Variants in CLDN10 observed in about 807,000 individuals in gnomAD.
CLDN10 encodes claudin 10.
Under a neutral mutation model 22.9 loss-of-function variants are expected in CLDN10, and 15 were observed. The observed-to-expected ratio is 0.65, with a 90% confidence interval of 0.44 to 1.01. CLDN10 has a LOEUF of 1.01. Among genes scored for constraint, CLDN10 ranks in the 50% least tolerant of loss-of-function variants. CLDN10 has a pLI of 0.00. For synonymous variants in CLDN10, 114 were observed against 111.4 expected (o/e 1.02, Z -0.15); for missense variants, 247 against 287.8 (o/e 0.86, Z 1.03).
chr13:95,496,492 G>A (rs2042931266), intron 1 of CLDN10, among the ~76,000 whole-genome samples: 1 of 152,150 alleles, frequency 6.6e-6, no homozygotes, highest in African/African-American at 2.4e-5. Context: ...CTGTGCTCAG[G>A]CTGCGATTAC....
upstream of CLDN10, among the ~76,000 whole-genome samples, chr13:95,551,359 G>T (rs560367618): frequency 3.9e-5 from 6 of 152,320 alleles, no homozygotes; most frequent in East Asian, 1.2e-3. Flanking sequence ...TGGAGCATGG[G>T]CTAAACATTA....
At chr13:95,550,846 T>TTTTTTTTTTTTTTTTTG (rs2043556667), upstream of CLDN10, among the ~76,000 whole-genome samples, 1 of 109,112 alleles carries the variant, frequency 9.2e-6, no homozygotes, top group Non-Finnish European at 2.0e-5. Flanking sequence ...TTTTTTTTTT[T>TTTTTTTTTTTTTTTTTG]GTATTTTTAG....
intron 1 of CLDN10, among the ~76,000 whole-genome samples, chr13:95,557,844 C>T (rs1290852115): frequency 6.6e-6 from 1 of 152,088 alleles, no homozygotes. Context: ...TGTTATTTTC[C>T]CTGTTGTATT....
intron 3 of CLDN10, among the ~76,000 whole-genome samples, chr13:95,571,743 C>T (rs1206276482): frequency 6.6e-6 from 1 of 152,050 alleles, no homozygotes; most frequent in Admixed American, 6.6e-5. Context: ...AGACAATGCA[C>T]TGAAGAAAAA....
chr13:95,544,680 C>A (rs1303942979), intron 1 of CLDN10, among the ~76,000 whole-genome samples: 2 of 152,116 alleles, frequency 1.3e-5, no homozygotes, highest in Non-Finnish European at 2.9e-5. Context: ...ACTGCATGAA[C>A]CTGAATCACG....
chr13:95,474,167 C>T (rs1415772159), intron 1 of CLDN10, among the ~76,000 whole-genome samples: 1 of 152,194 alleles, frequency 6.6e-6, no homozygotes, highest in Non-Finnish European at 1.5e-5. Flanking sequence ...TAGACGGTCC[C>T]ATCTGGGGGT....
chr13:95,527,371 T>C (rs1231068604), intron 1 of CLDN10, among the ~76,000 whole-genome samples: 2 of 152,206 alleles, frequency 1.3e-5, no homozygotes, highest in Non-Finnish European at 2.9e-5. Flanking sequence ...CAAATACAAA[T>C]GTGTGTGTCT....
At chr13:95,493,855 C>T (rs1359199572) in intron 1 of CLDN10, among the ~76,000 whole-genome samples, 2 of 152,218 alleles carry the variant, frequency 1.3e-5, no homozygotes, top group African/African-American at 2.4e-5. Flanking sequence ...GCACCATGCC[C>T]GGCCATATTT....
At chr13:95,538,153 C>CTTTTTTTT (rs1176533524) in intron 1 of CLDN10, among the ~76,000 whole-genome samples, 6 of 66,816 alleles carry the variant, frequency 9.0e-5, no homozygotes, top group East Asian at 1.1e-3. Flanking sequence ...CTGTTTATTT[C>CTTTTTTTT]TTTTTTTTTT....
chr13:95,512,647 C>A (rs2043117057), intron 1 of CLDN10, among the ~76,000 whole-genome samples: 1 of 152,186 alleles, frequency 6.6e-6, no homozygotes, highest in South Asian at 2.1e-4. Context: ...TGTGCCATGT[C>A]CCCCAGTCAC....
chr13:95,556,968 T>C (rs2043647802), intron 1 of CLDN10, among the ~76,000 whole-genome samples: 1 of 152,258 alleles, frequency 6.6e-6, no homozygotes, highest in Non-Finnish European at 1.5e-5. Context: ...CACTGTATTT[T>C]ACTATTTGAA....
chr13:95,475,811 T>C (rs964289896), intron 1 of CLDN10, among the ~76,000 whole-genome samples: 2 of 152,026 alleles, frequency 1.3e-5, no homozygotes, highest in African/African-American at 4.8e-5. Flanking sequence ...TCTGTCTCTC[T>C]CTGTCCCTCT....
chr13:95,452,087 T>C (rs762412282), intron 1 of CLDN10, among the ~76,000 whole-genome samples: 1 of 152,228 alleles, frequency 6.6e-6, no homozygotes, highest in Non-Finnish European at 1.5e-5. Flanking sequence ...AATTTTCCTA[T>C]CATTTGCTAC....
chr13:95,482,325 CAA>C (rs1390977655), intron 1 of CLDN10, among the ~76,000 whole-genome samples: 1 of 152,102 alleles, frequency 6.6e-6, no homozygotes, highest in African/African-American at 2.4e-5. Context: ...AGATTTGGCC[CAA>C]AGTCTGTAGT....
intron 1 of CLDN10, 114 bp from the exon 2 acceptor site, chr13:95,560,018 C>T (rs2043684846): frequency 9.9e-7 from 1 of 1,005,532 alleles, no homozygotes; most frequent in African/African-American, 1.6e-5. Context: ...CATGTTTTCA[C>T]CATCACAGTT....
intron 1 of CLDN10, among the ~76,000 whole-genome samples, chr13:95,476,671 G>C (rs2042688910): frequency 6.6e-6 from 1 of 152,114 alleles, no homozygotes; most frequent in South Asian, 2.1e-4. Context: ...CTGGAACCCT[G>C]AACACCAGTG....
intron 1 of CLDN10, among the ~76,000 whole-genome samples, chr13:95,485,540 C>T (rs1277290090): frequency 6.6e-6 from 1 of 152,168 alleles, no homozygotes; most frequent in African/African-American, 2.4e-5. Flanking sequence ...TACCATTCAT[C>T]ACTGCTGGTT....
Position 95,552,744 on chromosome 13 carries a change from A to C in CLDN10, c.-10A>C, listed in dbSNP as rs984552955. 4 of 1,605,574 alleles carry C rather than the reference A, an allele frequency of 2.5e-6. No homozygotes were observed. The highest frequency in any genetic ancestry group is 2.6e-6 in the Non-Finnish European group (3 of 1,176,086). On this transcript the variant is annotated 5_prime_UTR_variant, in exon 1 of 5. Transcript: ENST00000299339. Reference sequence around the variant, plus strand: ...GGAGCCGGAGAGCGAGCGCGGCTGCAGCCGGCGGCATGGCTAGCACGGCTT... The same window carrying C: ...GGAGCCGGAGAGCGAGCGCGGCTGCCGCCGGCGGCATGGCTAGCACGGCTT...
chr13:95,465,094 T>C (rs1445866535), intron 1 of CLDN10, among the ~76,000 whole-genome samples: 1 of 152,128 alleles, frequency 6.6e-6, no homozygotes, highest in Non-Finnish European at 1.5e-5. Context: ...TCTACGTGAC[T>C]GGGGAGGCCT....
Sources: allele counts gnomAD v4.1 joint callset (sites outside exome capture counted in the v4.1 genomes callset), GRCh38; gene constraint gnomAD v4.1.1; transcripts MANE v1.5; gene names NCBI Gene and HGNC (gene_info 2026-07-23, HGNC 2026-07-21).